The following DOT1L variants were observed in gnomAD, a reference collection of about 807,000 sequenced individuals.
DOT1L encodes the protein histone-lysine N-methyltransferase, H3 lysine-79 specific.
In DOT1L, 33 loss-of-function variants were observed where a neutral mutation model predicts 153.3. The observed-to-expected ratio is 0.22, with a 90% confidence interval of 0.16 to 0.29. The LOEUF (loss-of-function observed/expected upper bound fraction) is 0.29. Among genes scored for constraint, DOT1L ranks in the 10% least tolerant of loss-of-function variants. The pLI is 1.00. For missense variants in DOT1L, 1,847 were observed against 2,119.9 expected (o/e 0.87, Z 2.53); for synonymous variants, 1,135 against 965.1 (o/e 1.18, Z -3.26).
intron 2 of DOT1L, among the ~76,000 whole-genome samples, chr19:2,185,196 A>C (rs979355355): frequency 6.6e-6 from 1 of 151,836 alleles, no homozygotes; most frequent in Non-Finnish European, 1.5e-5. Flanking sequence ...GAGCCACCGC[A>C]CCCGGCACCA....
chr19:2,227,081 G>A lies in DOT1L; in HGVS notation c.4560G>A (p.Ser1520=), dbSNP rs2144939709. ...VSSAATRLTN[S]HAMGSFSGVA... is the part of the protein sequence containing the mutation. ...CCGCTGCCACCAGACTGACCAACTC[G>A]CACGCCATGGGCAGCTTTTCCGGGG... Residue 1520 remains serine (S), a synonymous_variant, in exon 27 of 28, where the codon TCG becomes TCA. Coordinates refer to ENST00000398665, the MANE Select transcript of DOT1L (RefSeq NM_032482.3). The A allele has an allele frequency of 1.3e-6, 2 of 1,563,874 alleles. No homozygotes were observed. Among genetic ancestry groups the A allele is most frequent in the Non-Finnish European group, 1.7e-6 (2 of 1,160,424 alleles).
At position 2,222,649 on chromosome 19, in the gene DOT1L, C is replaced by T; in HGVS notation, c.3390+90C>T. On this transcript the variant is annotated intron_variant, in intron 24 of 27. Coordinates refer to ENST00000398665, the MANE Select transcript of DOT1L (RefSeq NM_032482.3). The surrounding 1 kb of genome is among the most constrained non-coding windows in gnomAD (Gnocchi z 6.5). Reference sequence around the variant, plus strand: ...GGCGCGGTGGCTCACGCCTGTAATCCCAGCATTTTGGGAGGCCGAGGCGGG... The same window carrying T: ...GGCGCGGTGGCTCACGCCTGTAATCTCAGCATTTTGGGAGGCCGAGGCGGG... 1 of 1,319,830 alleles carries T rather than the reference C, an allele frequency of 7.6e-7. No homozygotes were observed. The highest frequency in any genetic ancestry group is 1.0e-6 in the Non-Finnish European group (1 of 991,786). The allele number at this position is 1,319,830 out of a possible 1,614,324, so 81.8% of individuals were successfully genotyped here.
rs2024533372 is a variant in DOT1L, at chr19:2,230,099, C to T, written c.*307C>T. ...ATATAAATATCTATATATGAGAGCT[C>T]TATATAAAGACACGTGTCTGCAGGG... On this transcript the variant is annotated 3_prime_UTR_variant, in exon 28 of 28. Coordinates refer to ENST00000398665, the MANE Select transcript of DOT1L (RefSeq NM_032482.3). 3.6e-6 allele frequency: 2 copies of T among 560,794 alleles called. No homozygotes were observed. The highest frequency in any genetic ancestry group is 3.5e-5 in the Admixed American group (1 of 28,966). The allele number at this position is 560,794 out of a possible 1,614,324, so 34.7% of individuals were successfully genotyped here.
In DOT1L at chr19:2,193,908, A is replaced by G. The variant is rs1266274382; in HGVS notation, c.588+125A>G. The G allele has an allele frequency of 2.9e-6, 3 of 1,021,962 alleles. No individual in the cohort carries two copies. Among genetic ancestry groups the G allele is most frequent in the South Asian group, 1.5e-5 (1 of 65,556 alleles). The allele number at this position is 1,021,962 out of a possible 1,614,324, so 63.3% of individuals were successfully genotyped here. A position where few individuals can be genotyped will look rare whatever the true frequency, so the allele number is the denominator to read the frequency against. On this transcript the variant is annotated intron_variant, in intron 6 of 27. Coordinates refer to ENST00000398665, the MANE Select transcript of DOT1L (RefSeq NM_032482.3). The surrounding 1 kb of genome is among the most constrained non-coding windows in gnomAD (Gnocchi z 5.9). ...CTGGGTGGCGTTCTTTCCAGGCCCA[A>G]GACGTCTTGGTTGCCTGCAGCGTGT...
In DOT1L at chr19:2,193,874, C is replaced by A; in HGVS notation, c.588+91C>A. On this transcript the variant is annotated intron_variant, in intron 6 of 27. Coordinates refer to ENST00000398665, the MANE Select transcript of DOT1L (RefSeq NM_032482.3). The surrounding 1 kb of genome is among the most constrained non-coding windows in gnomAD (Gnocchi z 5.9). ...GTGCCTGCACCCCACTGCTGTGGGA[C>A]TTCCGAGTCTGGGTGGCGTTCTTTC... 1 of 1,339,888 alleles carries A rather than the reference C, an allele frequency of 7.5e-7. No individual in the cohort carries two copies. Among genetic ancestry groups the A allele is most frequent in the Non-Finnish European group, 1.0e-6 (1 of 967,784 alleles). The allele number at this position is 1,339,888 out of a possible 1,614,324, so 83.0% of individuals were successfully genotyped here. A position where few individuals can be genotyped will look rare whatever the true frequency, so the allele number is the denominator to read the frequency against.
In DOT1L at chr19:2,222,140, C is replaced by T. The variant is rs374841513; in HGVS notation, c.2971C>T (p.Leu991=). The change falls in exon 24 of 28, where the codon CTG becomes TTG. Residue 991 remains leucine, a synonymous_variant. Transcript: ENST00000398665. This position sits in a 1 kb window ranked among gnomAD's most constrained non-coding sequence, Gnocchi z 6.5. The stretch of plus-strand genomic sequence containing the variant: ...CTCCACGCCACAGCACCCCCTGCTG[C>T]TGGCACAGCCCCGGAACTCGCTTCC... ...RSSTPQHPLL[L]AQPRNSLPAS... 385 of 1,613,036 alleles carry T rather than the reference C, an allele frequency of 2.4e-4. No individual in the cohort carries two copies. Among genetic ancestry groups the T allele is most frequent in the Non-Finnish European group, 2.6e-4 (303 of 1,179,890 alleles).
intron 1 of DOT1L, among the ~76,000 whole-genome samples, chr19:2,167,517 C>CAGGCCCTGGCT (rs1380185165): frequency 1.2e-4 from 18 of 152,224 alleles, no homozygotes; most frequent in Non-Finnish European, 5.9e-5. Flanking sequence ...CCTCCCTGGC[C>CAGGCCCTGGCT]AGGCCCTGGC....
At chr19:2,195,379 T>G (rs34923763) in intron 7 of DOT1L, among the ~76,000 whole-genome samples, 252 of 152,260 alleles carry the variant, frequency 1.7e-3, no homozygotes, top group Non-Finnish European at 2.9e-3. Context: ...CAGTCCCAGC[T>G]GCTCAGGCGC....
chr19:2,205,468 G>T (rs1222001907), intron 9 of DOT1L, among the ~76,000 whole-genome samples: 2 of 152,194 alleles, frequency 1.3e-5, no homozygotes, highest in Non-Finnish European at 2.9e-5. Context: ...TGTATTTTTA[G>T]TAGAGACGGG....
chr19:2,176,154 A>G (rs1225412753), intron 1 of DOT1L, among the ~76,000 whole-genome samples: 2 of 152,130 alleles, frequency 1.3e-5, no homozygotes, highest in African/African-American at 2.4e-5. Context: ...ATGAGAGGGA[A>G]TGTCACCGCT....
intron 1 of DOT1L, among the ~76,000 whole-genome samples, chr19:2,178,841 A>G (rs1195116004): frequency 2.0e-5 from 3 of 152,198 alleles, no homozygotes; most frequent in Admixed American, 6.5e-5. Flanking sequence ...CTGGGATTCC[A>G]GGTGTGAGCC....
rs1464345702 is a variant in DOT1L at position 2,190,092 on chromosome 19, TC to T, written c.264+300del. On this transcript the variant is annotated intron_variant, in intron 4 of 27. Transcript: ENST00000398665. This position sits in a 1 kb window ranked among gnomAD's most constrained non-coding sequence, Gnocchi z 4.8. ...GCAGCCCTGGGTTGGTGTCCGCAGG[TC>T]CCAGCAGAGGCGGGGTCCCTGTCCT... is the stretch of plus-strand genomic sequence containing the variant. Among the ~76,000 whole-genome samples the T allele has an allele frequency of 2.0e-5, 3 of 152,092 alleles. No individual in the cohort carries two copies. Among genetic ancestry groups the T allele is most frequent in the African/African-American group, 7.2e-5 (3 of 41,396 alleles).
In DOT1L at chr19:2,197,264, A is replaced by T. The variant is rs1022424395; in HGVS notation, c.652-2620A>T. 1.1e-4 allele frequency among the ~76,000 whole-genome samples: 16 copies of T among 152,082 alleles called. No individual in the cohort carries two copies. Among genetic ancestry groups the T allele is most frequent in the Admixed American group, 4.6e-4 (7 of 15,266 alleles). ...GTGATTGTTCCCAAATGCTGTGCCC[A>T]CAGTGGAAGCTGTGTGGTGTCCTGG... On this transcript the variant is annotated intron_variant, in intron 7 of 27. Coordinates refer to ENST00000398665, the MANE Select transcript of DOT1L (RefSeq NM_032482.3). The surrounding 1 kb of genome is among the most constrained non-coding windows in gnomAD (Gnocchi z 4.1).
intron 22 of DOT1L, among the ~76,000 whole-genome samples, chr19:2,218,359 T>C (rs2023980350): frequency 6.6e-6 from 1 of 152,264 alleles, no homozygotes; most frequent in African/African-American, 2.4e-5. Context: ...GCGCTTCAAG[T>C]ATATGCTTCA....
At chr19:2,227,990 C>T (rs558552074) in intron 27 of DOT1L, 10 of 1,280,966 alleles carry the variant, frequency 7.8e-6, no homozygotes, top group Middle Eastern at 2.3e-4. Context: ...TCCTCCACGC[C>T]CCCCCTCCAC....
At chr19:2,164,897 A>C (rs1033211810) in intron 1 of DOT1L, among the ~76,000 whole-genome samples, 1 of 152,178 alleles carries the variant, frequency 6.6e-6, no homozygotes, top group Non-Finnish European at 1.5e-5. Flanking sequence ...GGTTGGGGAC[A>C]GGCTTTATTT....
rs138448008 is a variant in DOT1L at position 2,223,212 on chromosome 19, G to A, written c.3391-69G>A. On this transcript the variant is annotated intron_variant, in intron 24 of 27. Coordinates refer to ENST00000398665, the MANE Select transcript of DOT1L (RefSeq NM_032482.3). The stretch of plus-strand genomic sequence containing the variant: ...GGTGCAGACAGGAGCCTCCTGGGGC[G>A]GGGGGGCTCTCCTGCCTTGGGGTCC... The A allele has an allele frequency of 2.3e-5, 36 of 1,543,338 alleles. No individual in the cohort carries two copies. In the Admixed American group the frequency reaches 4.3e-4, roughly 18 times the overall value.
chr19:2,180,709 T>A lies in DOT1L; in HGVS notation c.82-4T>A, dbSNP rs2022192178. 1 of 1,613,876 alleles carries A rather than the reference T, an allele frequency of 6.2e-7. No individual in the cohort carries two copies. The highest frequency in any genetic ancestry group is 1.3e-5 in the African/African-American group (1 of 74,890). ...TGCGTCTCAAACTTCTCTCTCTGTT[T>A]CAGGATAAACATCACGATGCTGCTC... is the stretch of plus-strand genomic sequence containing the variant. On this transcript the variant is annotated splice_polypyrimidine_tract_variant and splice_region_variant and intron_variant, in intron 1 of 27. Transcript: ENST00000398665.
rs546200522 is a variant in DOT1L at position 2,225,603 on chromosome 19, C to T, written c.3661+151C>T. 2.3e-4 allele frequency: 204 copies of T among 897,812 alleles called. 2 individuals carry two copies. The South Asian group carries it at 2.8e-3, about 12-fold the overall frequency. The allele number at this position is 897,812 out of a possible 1,614,324, so 55.6% of individuals were successfully genotyped here. A position where few individuals can be genotyped will look rare whatever the true frequency, so the allele number is the denominator to read the frequency against. On this transcript the variant is annotated intron_variant, in intron 26 of 27. Transcript: ENST00000398665. The stretch of plus-strand genomic sequence containing the variant: ...TGTCCTGCGTGGTGCTGGCCTGCTG[C>T]GTCGTGTCCTGCGTGGGCGCCGACA...
Sources: allele counts gnomAD v4.1 joint callset (sites outside exome capture counted in the v4.1 genomes callset), GRCh38; gene constraint gnomAD v4.1.1; non-coding constraint Gnocchi (gnomAD v3.1); transcripts MANE v1.5; gene names NCBI Gene and HGNC (gene_info 2026-07-23, HGNC 2026-07-21).